Variants in NCOA3 observed in about 807,000 individuals in gnomAD.
The protein encoded by NCOA3 is CBP-interacting protein.
NCOA3 carries 51 observed loss-of-function variants against 158.8 expected under a neutral mutation model. The ratio of observed to expected loss-of-function variants is 0.32; its 90% CI spans 0.26 to 0.41. The LOEUF is 0.41. NCOA3 is among the 10% of genes least tolerant of loss of function. The pLI, the probability that NCOA3 is intolerant of heterozygous loss-of-function variation, is 1.00. For synonymous variants in NCOA3, 537 were observed against 592.4 expected (o/e 0.91, Z 1.36); for missense variants, 1,510 against 1,746.6 (o/e 0.86, Z 2.41).
intron 1 of NCOA3, among the ~76,000 whole-genome samples, chr20:47,540,013 A>G (rs966434004): frequency 3.3e-5 from 5 of 152,192 alleles, no homozygotes; most frequent in Non-Finnish European, 7.3e-5. Context: ...GGATATTACT[A>G]TCTTCATTTG....
At chr20:47,504,996 GTTTTTGGTTTTTTTTTT>G (rs1297151426) in intron 1 of NCOA3, among the ~76,000 whole-genome samples, 1 of 30,860 alleles carries the variant, frequency 3.2e-5, no homozygotes, top group African/African-American at 1.4e-4. Flanking sequence ...ATGGCTTTGG[GTTTTTGGTTTTTTTTTT>G]TTTTTTTTTT....
At chr20:47,602,143 A>T (rs1381312006) in intron 2 of NCOA3, among the ~76,000 whole-genome samples, 2 of 152,226 alleles carry the variant, frequency 1.3e-5, no homozygotes, top group African/African-American at 2.4e-5. Flanking sequence ...TTTATCTTTT[A>T]TAGTTTCTGT....
chr20:47,511,576 G>T (rs2084142263), intron 1 of NCOA3, among the ~76,000 whole-genome samples: 2 of 17,968 alleles, frequency 1.1e-4, no homozygotes, highest in Non-Finnish European at 1.8e-4. Flanking sequence ...TTTTTGAGAC[G>T]GTCTTGCTCT....
At chr20:47,509,275 T>C (rs1414950475) in intron 1 of NCOA3, among the ~76,000 whole-genome samples, 5 of 151,950 alleles carry the variant, frequency 3.3e-5, no homozygotes, top group Non-Finnish European at 7.4e-5. Context: ...GCGCCTGTGG[T>C]CCCAGCCGCA....
In NCOA3 at chr20:47,652,457, A is replaced by T. The variant is rs146012383; in HGVS notation, c.3998A>T (p.Asn1333Ile). Reference protein sequence around the residue: ...PAFGRVSSPPNAMMSSRMGPS... With the variant: ...PAFGRVSSPPIAMMSSRMGPS... The stretch of plus-strand genomic sequence containing the variant: ...TTTGGTCGAGTGTCTAGTCCTCCCA[A>T]TGCAATGATGTCGTCAAGAATGGGT... Residue 1333 changes from asparagine to isoleucine, a missense_variant, in exon 21 of 23, where the codon AAT becomes ATT. Asn to Ile is a moderately radical substitution (Grantham distance 149). Around this residue, in one of 4 missense-constraint regions of NCOA3, gnomAD observed 180 missense variants for 199.3 expected, o/e 0.90. Transcript: ENST00000371998. The T allele has an allele frequency of 2.0e-5, 32 of 1,613,882 alleles. No homozygotes were observed. The highest frequency in any genetic ancestry group is 2.6e-5 in the Non-Finnish European group (31 of 1,179,848).
intron 1 of NCOA3, among the ~76,000 whole-genome samples, chr20:47,570,984 A>ATATG (rs1555805798): frequency 8.3e-6 from 1 of 120,762 alleles, no homozygotes; most frequent in African/African-American, 3.3e-5. Flanking sequence ...ATATACATAT[A>ATATG]TGTGTGTGTG....
intron 1 of NCOA3, among the ~76,000 whole-genome samples, chr20:47,534,107 T>TA (rs1555801243): frequency 1.4e-4 from 5 of 35,734 alleles, no homozygotes; most frequent in African/African-American, 3.6e-4. Context: ...ATGGTTTCAG[T>TA]GGGGGGGGCG....
chr20:47,535,620 G>T (rs543667861), intron 1 of NCOA3, among the ~76,000 whole-genome samples: 1 of 151,914 alleles, frequency 6.6e-6, no homozygotes, highest in East Asian at 1.9e-4. Context: ...TGACTCTCCT[G>T]CCTCAGCCTC....
chr20:47,597,638 G>C (rs981606544), intron 2 of NCOA3, among the ~76,000 whole-genome samples: 1 of 151,572 alleles, frequency 6.6e-6, no homozygotes, highest in Admixed American at 6.6e-5. Context: ...ACAGGTACTC[G>C]CCACCAAGCC....
chr20:47,627,535 A>G (rs2086342910), intron 6 of NCOA3, 26 bp from the exon 7 acceptor site: 1 of 1,568,542 alleles, frequency 6.4e-7, no homozygotes, highest in South Asian at 1.2e-5. Flanking sequence ...GCTTTTTAAA[A>G]TGTCATTTCA....
Position 47,635,399 on chromosome 20 carries a change from C to T in NCOA3, c.1190C>T (p.Ser397Leu), listed in dbSNP as rs746732554. Reference sequence around the variant, plus strand: ...CCACCTATGGCTGGATGCAACAGTTCGGTAGGCGGCATGAGTATGTCGCCA... The same window carrying T: ...CCACCTATGGCTGGATGCAACAGTTTGGTAGGCGGCATGAGTATGTCGCCA... ...IRPPMAGCNS[S>L]VGGMSMSPNQ... Residue 397 changes from serine (S) to leucine (L), a missense_variant, in exon 11 of 23, where the codon TCG becomes TTG. By Grantham distance (145) the Ser-to-Leu change is moderately radical. Coordinates refer to ENST00000371998, the MANE Select transcript of NCOA3 (RefSeq NM_181659.3). 1.4e-5 allele frequency: 22 copies of T among 1,614,020 alleles called. No individual in the cohort carries two copies. The highest frequency in any genetic ancestry group is 2.2e-5 in the East Asian group (1 of 44,896).
chr20:47,549,297 G>A (rs1420380209), intron 1 of NCOA3, among the ~76,000 whole-genome samples: 2 of 151,828 alleles, frequency 1.3e-5, no homozygotes, highest in Admixed American at 1.3e-4. Context: ...TGAGGTGAGA[G>A]GATCACTTAA....
intron 1 of NCOA3, among the ~76,000 whole-genome samples, chr20:47,577,154 C>T (rs1480408793): frequency 6.6e-6 from 1 of 152,180 alleles, no homozygotes; most frequent in Non-Finnish European, 1.5e-5. Context: ...AAATGTATGG[C>T]ATAATTTCCT....
At chr20:47,525,260 C>T (rs374290554) in intron 1 of NCOA3, among the ~76,000 whole-genome samples, 2 of 151,384 alleles carry the variant, frequency 1.3e-5, no homozygotes, top group East Asian at 1.9e-4. Context: ...GTAAGGTCAC[C>T]GATCAACAGG....
intron 1 of NCOA3, among the ~76,000 whole-genome samples, chr20:47,526,656 C>CA (rs1316277049): frequency 6.6e-6 from 1 of 152,186 alleles, no homozygotes; most frequent in Non-Finnish European, 1.5e-5. Context: ...AGGCACTTGG[C>CA]AAGCTGAGGC....
intron 1 of NCOA3, among the ~76,000 whole-genome samples, chr20:47,525,231 A>G (rs1322295628): frequency 6.6e-6 from 1 of 151,738 alleles, no homozygotes; most frequent in Non-Finnish European, 1.5e-5. Context: ...CACATGTTTC[A>G]GAGAGCACAG....
At position 47,610,748 on chromosome 20, in the gene NCOA3, T is replaced by C. The variant is rs200543503; in HGVS notation, c.-19-11481T>C. Among the ~76,000 whole-genome samples the C allele has an allele frequency of 6.6e-5, 10 of 152,354 alleles. No individual in the cohort carries two copies. In the East Asian group the frequency reaches 1.9e-3, roughly 29 times the overall value. ...TTATAAGAAGGACATCTCTCTGTTC[T>C]ACCTTCAATATCTTTTCTTTGAAAA... On this transcript the variant is annotated intron_variant, in intron 2 of 22. Transcript: ENST00000371998.
At chr20:47,508,096 A>C (rs914192285) in intron 1 of NCOA3, among the ~76,000 whole-genome samples, 1 of 152,200 alleles carries the variant, frequency 6.6e-6, no homozygotes, top group Non-Finnish European at 1.5e-5. Flanking sequence ...TCGTGATACT[A>C]TCCATATAAA....
chr20:47,511,550 T>TATATATATAC, intron 1 of NCOA3, among the ~76,000 whole-genome samples: 12 of 52,260 alleles, frequency 2.3e-4, no homozygotes, highest in Non-Finnish European at 4.8e-4. Context: ...TATATATATA[T>TATATATATAC]ATATATTTCT....
Sources: gnomAD v4.1 joint callset for allele counts (sites outside exome capture counted in the v4.1 genomes callset) on GRCh38, gnomAD v4.1.1 for gene constraint, gnomAD v4.1.1 regional missense constraint, MANE v1.5 for transcripts, NCBI Gene and HGNC (gene_info 2026-07-23, HGNC 2026-07-21) for gene names.